Variants in YIPF4 observed in about 807,000 individuals in gnomAD.
The protein encoded by YIPF4 is protein YIPF4.
YIPF4 carries 18 observed loss-of-function variants against 29.4 expected under a neutral mutation model. The ratio of observed to expected loss-of-function variants is 0.61; its 90% CI spans 0.42 to 0.91. The LOEUF is 0.91. Ranked by LOEUF, YIPF4 falls within the 40% of genes least tolerant of loss-of-function variation. YIPF4 has a pLI of 0.00. For missense variants in YIPF4, 279 were observed against 282.7 expected, an observed-to-expected ratio of 0.99 and a Z score of 0.09; for synonymous variants, 115 against 104.7, an observed-to-expected ratio of 1.10 and a Z score of -0.60.
chr2:32,280,240 G>C (rs113021069), intron 1 of YIPF4, among the ~76,000 whole-genome samples: 1 of 150,634 alleles, frequency 6.6e-6, no homozygotes, highest in East Asian at 1.9e-4. Context: ...CTATTCTCCT[G>C]CCTCAGCCTC....
At chr2:32,288,317 G>A (rs2030766677) in intron 1 of YIPF4, among the ~76,000 whole-genome samples, 1 of 152,066 alleles carries the variant, frequency 6.6e-6, no homozygotes, top group African/African-American at 2.4e-5. Context: ...TGCTAAACAT[G>A]TACAGTTCTT....
At chr2:32,295,406 A>G (rs1469044103) in intron 3 of YIPF4, among the ~76,000 whole-genome samples, 2 of 152,174 alleles carry the variant, frequency 1.3e-5, no homozygotes, top group African/African-American at 4.8e-5. Context: ...GGATGTCAGG[A>G]GTCCAAAATG....
intron 1 of YIPF4, among the ~76,000 whole-genome samples, chr2:32,279,007 GC>G (rs2030249019): frequency 6.7e-6 from 1 of 149,126 alleles, no homozygotes; most frequent in Non-Finnish European, 1.5e-5. Flanking sequence ...GAGCTCTGTC[GC>G]CCAGGCTGGA....
intron 3 of YIPF4, among the ~76,000 whole-genome samples, chr2:32,295,929 G>T (rs563683766): frequency 5.9e-5 from 9 of 152,182 alleles, no homozygotes; most frequent in Non-Finnish European, 1.0e-4. Flanking sequence ...AAGGACAATT[G>T]TTACTACATT....
In YIPF4 at chr2:32,278,169, G is replaced by A. The variant is rs1558471112; in HGVS notation, c.14G>A (p.Gly5Asp). 6.4e-7 allele frequency: 1 copy of A among 1,566,292 alleles called. No homozygotes were observed. Among genetic ancestry groups the A allele is most frequent in the Non-Finnish European group, 8.6e-7 (1 of 1,156,714 alleles). The part of the protein sequence containing the change: MQPP[G>D]PPPAYAPTNG... ...AGTCGCCGCGAGATGCAGCCTCCGGGCCCGCCCCCGGCCTATGCCCCCACT... is the reference window on the plus strand; with the variant it reads ...AGTCGCCGCGAGATGCAGCCTCCGGACCCGCCCCCGGCCTATGCCCCCACT... Residue 5 changes from glycine to aspartate, a missense_variant, in exon 1 of 6, where the codon GGC becomes GAC. Gly to Asp is a moderately conservative substitution (Grantham distance 94). Coordinates refer to ENST00000238831, the MANE Select transcript of YIPF4 (RefSeq NM_032312.4).
Position 32,315,596 on chromosome 2 carries a change from A to C in YIPF4, c.*9970A>C, listed in dbSNP as rs2031809616. The C allele has an allele frequency of 6.6e-6, 1 of 152,074 alleles. No individual in the cohort carries two copies. Among genetic ancestry groups the C allele is most frequent in the African/African-American group, 2.4e-5 (1 of 41,374 alleles). 9.4% of individuals were successfully genotyped at this position (152,074 alleles called of 1,614,324 possible). On this transcript the variant is annotated 3_prime_UTR_variant, in exon 6 of 6. Coordinates refer to ENST00000238831, the MANE Select transcript of YIPF4 (RefSeq NM_032312.4). The stretch of plus-strand genomic sequence containing the variant: ...AACCCCGTCTCTACTAAACATATAA[A>C]AAATTAGCCGGGCTTGGTGGCGGGC...
intron 1 of YIPF4, among the ~76,000 whole-genome samples, chr2:32,288,509 T>TTAAGAAAAAACACTCTTGGCCTGGCGCGG (rs2030777329): frequency 1.3e-5 from 2 of 152,092 alleles, no homozygotes; most frequent in Admixed American, 6.6e-5. Flanking sequence ...CTTCTTCTTG[T>TTAAGAAAAAACACTCTTGGCCTGGCGCGG]TAAGAAAAAA....
chr2:32,307,205 T>A lies in YIPF4; in HGVS notation c.*1579T>A, dbSNP rs1170183357. ...AAGCAGCAACCGTAAGATAAACATT[T>A]GTTACACTTAAGAAATTGCTGAGGT... On this transcript the variant is annotated 3_prime_UTR_variant, in exon 6 of 6. Coordinates refer to ENST00000238831, the MANE Select transcript of YIPF4 (RefSeq NM_032312.4). 4.3e-6 allele frequency: 5 copies of A among 1,164,206 alleles called. No individual in the cohort carries two copies. The Admixed American group carries it at 1.6e-4, about 37-fold the overall frequency. The allele number at this position is 1,164,206 out of a possible 1,614,324, so 72.1% of individuals were successfully genotyped here. A position where few individuals can be genotyped will look rare whatever the true frequency, so the allele number is the denominator to read the frequency against.
intron 3 of YIPF4, among the ~76,000 whole-genome samples, chr2:32,294,179 T>A (rs2031065957): frequency 6.7e-6 from 1 of 149,468 alleles, no homozygotes; most frequent in Non-Finnish European, 1.5e-5. Context: ...GACCCCCACC[T>A]CCCTCCCGGA....
chr2:32,316,416 A>G lies in YIPF4; in HGVS notation c.*10790A>G, dbSNP rs1026638626. The G allele has an allele frequency of 1.3e-5, 2 of 152,232 alleles. No homozygotes were observed. Among genetic ancestry groups the G allele is most frequent in the African/African-American group, 4.8e-5 (2 of 41,456 alleles). 9.4% of individuals were successfully genotyped at this position (152,232 alleles called of 1,614,324 possible). The stretch of plus-strand genomic sequence containing the variant: ...ACAACGTTGGCCTCTCGGATTCCCA[A>G]AACTTTAAAAGATTAATAATATCCA... On this transcript the variant is annotated 3_prime_UTR_variant, in exon 6 of 6. Transcript: ENST00000238831.
At position 32,306,255 on chromosome 2, in the gene YIPF4, A is replaced by G. The variant is rs1034300346; in HGVS notation, c.*629A>G. On this transcript the variant is annotated 3_prime_UTR_variant, in exon 6 of 6. Transcript: ENST00000238831. Reference sequence around the variant, plus strand: ...TACTTCCTTGTTAAGAATTCTTAATAACTACTAAAACTGATTTTTAATAGT... The same window carrying G: ...TACTTCCTTGTTAAGAATTCTTAATGACTACTAAAACTGATTTTTAATAGT... 1.9e-5 allele frequency: 18 copies of G among 955,922 alleles called. No individual in the cohort carries two copies. In the Admixed American group the frequency reaches 5.6e-4, roughly 29 times the overall value. 59.2% of individuals were successfully genotyped at this position (955,922 alleles called of 1,614,324 possible).
At chr2:32,285,718 C>T (rs1045624934) in intron 1 of YIPF4, among the ~76,000 whole-genome samples, 2 of 147,320 alleles carry the variant, frequency 1.4e-5, no homozygotes, top group East Asian at 4.0e-4. Flanking sequence ...TGCAGTGGTG[C>T]GATCTCAGCT....
In YIPF4 at chr2:32,292,281, C is replaced by G; in HGVS notation, c.338C>G (p.Pro113Arg). 1 of 1,605,990 alleles carries G rather than the reference C, an allele frequency of 6.2e-7. No homozygotes were observed. Among genetic ancestry groups the G allele is most frequent in the Non-Finnish European group, 8.5e-7 (1 of 1,175,434 alleles). ...GFNRQVVRDN[P>R]DFWGPLAVVL... ...AATAGACAAGTGGTGAGAGACAATC[C>G]TGACTTTTGGGGTCCTCTGGCTGTT... The change falls in exon 3 of 6, where the codon CCT becomes CGT. Residue 113 changes from proline to arginine, a missense_variant. Transcript: ENST00000238831.
At chr2:32,282,299 C>T (rs1247111270) in intron 1 of YIPF4, among the ~76,000 whole-genome samples, 1 of 152,166 alleles carries the variant, frequency 6.6e-6, no homozygotes, top group Non-Finnish European at 1.5e-5. Context: ...TCTGCTATCT[C>T]CTCAAGTTTC....
In YIPF4 at chr2:32,314,633, A is replaced by G. The variant is rs1274636566; in HGVS notation, c.*9007A>G. On this transcript the variant is annotated 3_prime_UTR_variant, in exon 6 of 6. Transcript: ENST00000238831. ...GAGTGTGGTGAGCTGAGATGTCACC[A>G]TTGCACTCCAGCCTGGGCAAGAAGA... The G allele has an allele frequency of 6.6e-6, 1 of 152,162 alleles. No individual in the cohort carries two copies. The highest frequency in any genetic ancestry group is 1.5e-5 in the Non-Finnish European group (1 of 68,048). 9.4% of individuals were successfully genotyped at this position (152,162 alleles called of 1,614,324 possible).
In YIPF4 at chr2:32,310,198, T is replaced by C. The variant is rs1335974461; in HGVS notation, c.*4572T>C. On this transcript the variant is annotated 3_prime_UTR_variant, in exon 6 of 6. Transcript: ENST00000238831. The stretch of plus-strand genomic sequence containing the variant: ...CCTTATACTATTTTTAAATTTCCCT[T>C]TAAAAATTGAATTACAGCCAGGCAT... 6.6e-6 allele frequency: 1 copy of C among 152,078 alleles called. No homozygotes were observed. The highest frequency in any genetic ancestry group is 2.4e-5 in the African/African-American group (1 of 41,420). 9.4% of individuals were successfully genotyped at this position (152,078 alleles called of 1,614,324 possible). A position where few individuals can be genotyped will look rare whatever the true frequency, so the allele number is the denominator to read the frequency against.
Position 32,301,478 on chromosome 2 carries a change from G to A in YIPF4, c.580G>A (p.Val194Met), listed in dbSNP as rs138625096. ...TTTGGTGGTTGGATCATTTGAAGTG[G>A]TGTCTACACTTATAAAAGTAAGTTA... ...VLLVVGSFEV[V>M]STLIKLFGVF... The change falls in exon 5 of 6, where the codon GTG becomes ATG. Residue 194 changes from valine to methionine, a missense_variant. Transcript: ENST00000238831. 1.5e-5 allele frequency: 24 copies of A among 1,606,914 alleles called. No homozygotes were observed. In the African/African-American group the frequency reaches 2.7e-4, roughly 18 times the overall value.
At chr2:32,295,652 A>T (rs1009017505) in intron 3 of YIPF4, among the ~76,000 whole-genome samples, 1 of 152,072 alleles carries the variant, frequency 6.6e-6, no homozygotes, top group Non-Finnish European at 1.5e-5. Context: ...TGCCCAGGCT[A>T]GAGTGCAATG....
intron 4 of YIPF4, 99 bp downstream of exon 4, chr2:32,298,410 C>T (rs572737732): frequency 3.6e-6 from 3 of 842,982 alleles, no homozygotes; most frequent in East Asian, 5.1e-5. Context: ...ACTTTCTTGT[C>T]CCAGAATTGC....
Sources: allele counts gnomAD v4.1 joint callset (sites outside exome capture counted in the v4.1 genomes callset), GRCh38; gene constraint gnomAD v4.1.1; transcripts MANE v1.5; gene names NCBI Gene and HGNC (gene_info 2026-07-23, HGNC 2026-07-21).